RIMBP2: variants seen among roughly 807,000 people sequenced by gnomAD.
RIMBP2 encodes RIMS-binding protein 2.
Under a neutral mutation model 118.6 loss-of-function variants are expected in RIMBP2, and 48 were observed. The ratio of observed to expected loss-of-function variants is 0.40; its 90% CI spans 0.32 to 0.51. The LOEUF (loss-of-function observed/expected upper bound fraction) is 0.51, where lower values mean the gene tolerates loss of function less well. RIMBP2 is among the 20% of genes least tolerant of loss of function. The pLI is 0.41. For missense variants in RIMBP2, 1,551 were observed against 1,768.3 expected (o/e 0.88, Z 2.20); for synonymous variants, 762 against 742.9 (o/e 1.03, Z -0.42).
chr12:130,490,522 A>G (rs2138418684), intron 4 of RIMBP2, among the ~76,000 whole-genome samples: 1 of 152,316 alleles, frequency 6.6e-6, no homozygotes, highest in South Asian at 2.1e-4. Context: ...AATCAGCAGC[A>G]GAAGTATAAA....
intron 5 of RIMBP2, among the ~76,000 whole-genome samples, chr12:130,473,977 G>A (rs947103382): frequency 3.9e-5 from 6 of 152,144 alleles, no homozygotes; most frequent in Admixed American, 3.3e-4. Context: ...AAGTAAAATC[G>A]GTCAAGTCTG....
intron 1 of RIMBP2, among the ~76,000 whole-genome samples, chr12:130,645,701 C>A (rs2062838889): frequency 6.6e-6 from 1 of 152,220 alleles, no homozygotes; most frequent in South Asian, 2.1e-4. Context: ...AAAGTCCTCG[C>A]TGATGACATT....
At chr12:130,613,197 G>A (rs1376929022) in intron 2 of RIMBP2, among the ~76,000 whole-genome samples, 2 of 152,258 alleles carry the variant, frequency 1.3e-5, no homozygotes, top group African/African-American at 4.8e-5. Flanking sequence ...GGGACGGAGG[G>A]AGAGTTGACA....
intron 21 of RIMBP2, 79 bp downstream of exon 21, chr12:130,406,092 AC>A: frequency 2.2e-6 from 2 of 901,026 alleles, no homozygotes; most frequent in Non-Finnish European, 3.6e-6. Context: ...AAGAGAAGGA[AC>A]GGACTAGCAA....
intron 2 of RIMBP2, among the ~76,000 whole-genome samples, chr12:130,531,660 CAT>C (rs2053387372): frequency 6.6e-6 from 1 of 152,194 alleles, no homozygotes; most frequent in African/African-American, 2.4e-5. Context: ...GGCACATGTA[CAT>C]GTTTCTCATA....
chr12:130,673,244 G>A (rs1289514529), intron 1 of RIMBP2, among the ~76,000 whole-genome samples: 1 of 152,212 alleles, frequency 6.6e-6, no homozygotes, highest in African/African-American at 2.4e-5. Flanking sequence ...AACTCAACTC[G>A]CGGGCTGGCT....
In RIMBP2 at chr12:130,620,083, G is replaced by C. The variant is rs1261045326; in HGVS notation, c.-217+8239C>G. On this transcript the variant is annotated intron_variant, in intron 2 of 22. Coordinates refer to ENST00000690449, the MANE Select transcript of RIMBP2 (RefSeq NM_001393629.1). This position sits in a 1 kb window ranked among gnomAD's most constrained non-coding sequence, Gnocchi z 5.3. Reference sequence around the variant, plus strand: ...CCCCTGCGGCAACCGGTTGAAAAGGGCCTCCGAGGCAGTGGCTCACTCTTC... The same window carrying C: ...CCCCTGCGGCAACCGGTTGAAAAGGCCCTCCGAGGCAGTGGCTCACTCTTC... Among the ~76,000 whole-genome samples, 1 of 152,168 alleles carries C rather than the reference G, an allele frequency of 6.6e-6. No homozygotes were observed. Among genetic ancestry groups the C allele is most frequent in the African/African-American group, 2.4e-5 (1 of 41,446 alleles).
At chr12:130,502,825 G>T (rs1211790524) in intron 4 of RIMBP2, among the ~76,000 whole-genome samples, 1 of 152,162 alleles carries the variant, frequency 6.6e-6, no homozygotes, top group Non-Finnish European at 1.5e-5. Flanking sequence ...TGAATGAACA[G>T]TCATGCAATA....
At chr12:130,554,543 C>A (rs372657240) in intron 2 of RIMBP2, among the ~76,000 whole-genome samples, 2 of 150,708 alleles carry the variant, frequency 1.3e-5, no homozygotes, top group South Asian at 4.2e-4. Flanking sequence ...CTTAGGCTTA[C>A]GAATACAGAC....
chr12:130,679,592 G>A (rs148282256), intron 1 of RIMBP2, among the ~76,000 whole-genome samples: 90 of 152,290 alleles, frequency 5.9e-4, no homozygotes, highest in Admixed American at 1.8e-3. Flanking sequence ...GTGCAGGTGC[G>A]GGCGCATTCG....
At chr12:130,643,726 G>A (rs1273782538) in intron 1 of RIMBP2, among the ~76,000 whole-genome samples, 3 of 152,228 alleles carry the variant, frequency 2.0e-5, no homozygotes, top group Admixed American at 2.0e-4. Flanking sequence ...ACATGTGTCA[G>A]TGAATAACAC....
At chr12:130,707,500 T>A (rs1182007656) in intron 1 of RIMBP2, among the ~76,000 whole-genome samples, 3 of 151,570 alleles carry the variant, frequency 2.0e-5, no homozygotes, top group African/African-American at 2.4e-5. Context: ...ACATGATGAG[T>A]GAGTAGCTGG....
chr12:130,422,575 A>G lies in RIMBP2; in HGVS notation c.3130-14T>C. 6.4e-7 allele frequency: 1 copy of G among 1,573,150 alleles called. No individual in the cohort carries two copies. Among genetic ancestry groups the G allele is most frequent in the Non-Finnish European group, 8.7e-7 (1 of 1,151,022 alleles). The stretch of plus-strand genomic sequence containing the variant: ...GTTCCCTAAAATCTAAAGACAAAAC[A>G]ACAACAAAGTCGTAAGTCTCGCCAG... On this transcript the variant is annotated splice_polypyrimidine_tract_variant and intron_variant, in intron 16 of 22. Coordinates refer to ENST00000690449, the MANE Select transcript of RIMBP2 (RefSeq NM_001393629.1). The surrounding 1 kb of genome is among the most constrained non-coding windows in gnomAD (Gnocchi z 5.2).
chr12:130,603,521 A>G (rs2059989237), intron 2 of RIMBP2, among the ~76,000 whole-genome samples: 2 of 152,226 alleles, frequency 1.3e-5, no homozygotes, highest in Admixed American at 1.3e-4. Flanking sequence ...TCATGTGCCC[A>G]GTATGATATT....
At chr12:130,584,952 A>G (rs895066128) in intron 2 of RIMBP2, among the ~76,000 whole-genome samples, 1 of 152,114 alleles carries the variant, frequency 6.6e-6, no homozygotes, top group Admixed American at 6.5e-5. Context: ...ATGCAGTGTC[A>G]TGATCATAGC....
chr12:130,500,777 T>C (rs2049685313), intron 4 of RIMBP2, among the ~76,000 whole-genome samples: 1 of 152,100 alleles, frequency 6.6e-6, no homozygotes, highest in Non-Finnish European at 1.5e-5. Context: ...CTTTAGGACA[T>C]GGAAGACACA....
At chr12:130,444,649 G>A (rs1014859783) in intron 10 of RIMBP2, among the ~76,000 whole-genome samples, 7 of 152,214 alleles carry the variant, frequency 4.6e-5, no homozygotes, top group Non-Finnish European at 1.0e-4. Context: ...AGGAGACCTC[G>A]AGGGAATGAG....
chr12:130,715,374 C>T (rs12822588), intron 1 of RIMBP2, among the ~76,000 whole-genome samples: 6,056 of 152,242 alleles, frequency 0.04, 161 homozygotes, highest in East Asian at 0.09. Context: ...GCCGCCACCC[C>T]GACCTCAGCC....
intron 2 of RIMBP2, among the ~76,000 whole-genome samples, chr12:130,625,427 G>C (rs944506661): frequency 3.3e-5 from 5 of 152,200 alleles, no homozygotes; most frequent in African/African-American, 1.2e-4. Flanking sequence ...CAGCCACTGA[G>C]GTGTGCTTCA....
Sources: allele counts gnomAD v4.1 joint callset (sites outside exome capture counted in the v4.1 genomes callset), GRCh38; gene constraint gnomAD v4.1.1; non-coding constraint Gnocchi (gnomAD v3.1); transcripts MANE v1.5; gene names NCBI Gene and HGNC (gene_info 2026-07-23, HGNC 2026-07-21).